The following GTF2I variants were observed in gnomAD, a reference collection of about 807,000 sequenced individuals.
GTF2I encodes the protein general transcription factor II-I.
GTF2I carries 12 observed loss-of-function variants against 67.6 expected under a neutral mutation model. The ratio of observed to expected loss-of-function variants is 0.18; its 90% CI spans 0.11 to 0.29. GTF2I has a LOEUF of 0.29. Ranked by LOEUF, GTF2I falls within the 10% of genes least tolerant of loss-of-function variation. GTF2I has a pLI of 1.00. For synonymous variants in GTF2I, 149 were observed against 197.0 expected (o/e 0.76, Z 2.04); for missense variants, 271 against 580.1 (o/e 0.47, Z 5.47).
intron 6 of GTF2I, among the ~76,000 whole-genome samples, chr7:74,703,459 AAC>A (rs1491051760): frequency 7.1e-6 from 1 of 141,212 alleles, no homozygotes; most frequent in Non-Finnish European, 1.5e-5. Flanking sequence ...AGCTCACTGC[AAC>A]CTCTGCCTCC....
intron 1 of GTF2I, among the ~76,000 whole-genome samples, chr7:74,662,769 G>A (rs112850968): frequency 9.2e-5 from 14 of 151,910 alleles, no homozygotes; most frequent in African/African-American, 3.4e-4. Context: ...TGATCTGCCC[G>A]CCTAGGCCTC....
At chr7:74,685,202 T>C (rs1787601750) in intron 1 of GTF2I, among the ~76,000 whole-genome samples, 1 of 152,200 alleles carries the variant, frequency 6.6e-6, no homozygotes, top group Non-Finnish European at 1.5e-5. Flanking sequence ...AAAGTTACAC[T>C]TGTATGCAAA....
chr7:74,709,678 A>AT (rs782612069), intron 8 of GTF2I, among the ~76,000 whole-genome samples: 5,305 of 143,018 alleles, frequency 0.037, 139 homozygotes, highest in Middle Eastern at 0.1. Flanking sequence ...TTCTTTCTTT[A>AT]TTTTTTTTTT....
rs1302695724 is a variant in GTF2I, at chr7:74,658,026, G to A, written c.-48G>A. ...GCGCGGCCCACACTCGCCTCCCCTC[G>A]GCACCCCCGGCCCCGGAGCTGCCTG... On this transcript the variant is annotated 5_prime_UTR_variant, in exon 1 of 35. Transcript: ENST00000573035. 1 of 151,496 alleles carries A rather than the reference G, an allele frequency of 6.6e-6. No homozygotes were observed. Among genetic ancestry groups the A allele is most frequent in the African/African-American group, 2.4e-5 (1 of 41,258 alleles). The allele number at this position is 151,496 out of a possible 1,614,324, so 9.4% of individuals were successfully genotyped here.
chr7:74,661,149 A>T (rs1460753443), intron 1 of GTF2I, among the ~76,000 whole-genome samples: 1 of 152,040 alleles, frequency 6.6e-6, no homozygotes, highest in Non-Finnish European at 1.5e-5. Context: ...GAGGTTGTGA[A>T]ACCACCGCGC....
intron 18 of GTF2I, among the ~76,000 whole-genome samples, chr7:74,737,148 G>A (rs1322272293): frequency 3.4e-5 from 5 of 148,080 alleles, no homozygotes; most frequent in Admixed American, 2.0e-4. Flanking sequence ...AGCCGAGATC[G>A]TGCCACTGCA....
chr7:74,706,682 T>TG (rs1554401517), intron 8 of GTF2I, among the ~76,000 whole-genome samples: 1 of 152,138 alleles, frequency 6.6e-6, no homozygotes, highest in Non-Finnish European at 1.5e-5. Context: ...GTATTTTTTT[T>TG]TCCCGTTGTA....
intron 1 of GTF2I, among the ~76,000 whole-genome samples, chr7:74,685,770 AAAAG>A (rs1271389017): frequency 6.6e-6 from 1 of 152,064 alleles, no homozygotes. Flanking sequence ...CCGTCTTAAA[AAAAG>A]AAAAAAAAAA....
At position 74,700,607 on chromosome 7, in the gene GTF2I, C is replaced by T. The variant is rs1259679158; in HGVS notation, c.559C>T (p.Pro187Ser). ...KAGISFIIKR[P>S]FLEPKKHVGG... ...TTGTTTTGTTTTGTTTTAATGCAGACCTTTTTTAGAGCCAAAGAAGCATGT... is the reference window on the plus strand; with the variant it reads ...TTGTTTTGTTTTGTTTTAATGCAGATCTTTTTTAGAGCCAAAGAAGCATGT... Residue 187 changes from proline (P) to serine (S), a missense_variant and splice_region_variant, in exon 6 of 35, where the codon CCT becomes TCT. Physicochemically the swap from Pro to Ser is moderately conservative, Grantham distance 74. Around this residue, in one of 9 missense-constraint regions of GTF2I, gnomAD observed 38 missense variants for 87.8 expected, o/e 0.43. Coordinates refer to ENST00000573035, the MANE Select transcript of GTF2I (RefSeq NM_032999.4). 3 of 1,613,864 alleles carry T rather than the reference C, an allele frequency of 1.9e-6. No individual in the cohort carries two copies. Among genetic ancestry groups the T allele is most frequent in the Non-Finnish European group, 2.5e-6 (3 of 1,179,888 alleles).
chr7:74,685,799 G>A (rs1320558511), intron 1 of GTF2I, among the ~76,000 whole-genome samples: 1 of 151,866 alleles, frequency 6.6e-6, no homozygotes, highest in African/African-American at 2.4e-5. Flanking sequence ...GGGGGCGATG[G>A]CTCACGCCGG....
Position 74,659,372 on chromosome 7 carries a change from C to T in GTF2I, c.-6+1304C>T, listed in dbSNP as rs587751738. Among the ~76,000 whole-genome samples the T allele has an allele frequency of 5.3e-5, 8 of 152,174 alleles. 1 individual carries two copies. The highest frequency in any genetic ancestry group is 3.9e-4 in the Admixed American group (6 of 15,266). ...CCTCCTCAGTGGCTGGGACTACAGG[C>T]GCATGCCATCATGCCCTGCTAATTT... On this transcript the variant is annotated intron_variant, in intron 1 of 34. Coordinates refer to ENST00000573035, the MANE Select transcript of GTF2I (RefSeq NM_032999.4).
chr7:74,693,835 A>G (rs1190631816), intron 3 of GTF2I, among the ~76,000 whole-genome samples: 4 of 151,638 alleles, frequency 2.6e-5, no homozygotes, highest in African/African-American at 9.7e-5. Context: ...AAAGAGCAAG[A>G]CTCCGTCTCA....
At chr7:74,725,800 T>C (rs1554405548) in intron 12 of GTF2I, among the ~76,000 whole-genome samples, 1 of 152,128 alleles carries the variant, frequency 6.6e-6, no homozygotes, top group African/African-American at 2.4e-5. Context: ...TTACAGTCTT[T>C]GTTGTATTAA....
intron 1 of GTF2I, among the ~76,000 whole-genome samples, chr7:74,680,333 G>T (rs587763613): frequency 6.2e-4 from 94 of 151,782 alleles, no homozygotes; most frequent in Non-Finnish European, 1.0e-3. Context: ...TGAAAGTTCA[G>T]AAGTATCTCA....
In GTF2I at chr7:74,758,002, TA is replaced by T; in HGVS notation, c.2938+6del. The T allele has an allele frequency of 5.5e-6, 1 of 182,296 alleles. No individual in the cohort carries two copies. The highest frequency in any genetic ancestry group is 8.8e-6 in the Non-Finnish European group (1 of 113,586). The allele number at this position is 182,296 out of a possible 1,614,324, so 11.3% of individuals were successfully genotyped here. On this transcript the variant is annotated splice_donor_region_variant and intron_variant, in intron 33 of 34. Coordinates refer to ENST00000573035, the MANE Select transcript of GTF2I (RefSeq NM_032999.4). ...AGTTGGAAGTTCCAGCCACAGAAGG[TA>T]AAAGGGTGGGGTGGTCCTGCAAGTC... is the stretch of plus-strand genomic sequence containing the variant.
At chr7:74,726,037 T>A in intron 12 of GTF2I, among the ~76,000 whole-genome samples, 1 of 152,206 alleles carries the variant, frequency 6.6e-6, no homozygotes, top group East Asian at 1.9e-4. Flanking sequence ...GGGATGGAGC[T>A]CCACAGGTGT....
intron 1 of GTF2I, among the ~76,000 whole-genome samples, chr7:74,662,427 C>T (rs1554386984): frequency 6.8e-6 from 1 of 147,498 alleles, no homozygotes; most frequent in African/African-American, 2.5e-5. Flanking sequence ...TCAGGCTGGT[C>T]TCGAACTCCT....
chr7:74,710,013 AAAGTGCTAAGTTAGCCC>A (rs1274462476), intron 8 of GTF2I, among the ~76,000 whole-genome samples: 1 of 152,234 alleles, frequency 6.6e-6, no homozygotes, highest in Non-Finnish European at 1.5e-5. Context: ...GATGGACATG[AAAGTGCTAAGTTAGCCC>A]AGAGAGTTGC....
At chr7:74,679,561 T>G (rs1320907945) in intron 1 of GTF2I, among the ~76,000 whole-genome samples, 1 of 152,218 alleles carries the variant, frequency 6.6e-6, no homozygotes, top group African/African-American at 2.4e-5. Flanking sequence ...GTATTATAGT[T>G]GCAATCACTG....
Sources: gnomAD v4.1 joint callset for allele counts (sites outside exome capture counted in the v4.1 genomes callset) on GRCh38, gnomAD v4.1.1 for gene constraint, gnomAD v4.1.1 regional missense constraint, MANE v1.5 for transcripts, NCBI Gene and HGNC (gene_info 2026-07-23, HGNC 2026-07-21) for gene names.